KCNIP4: variants seen among roughly 807,000 people sequenced by gnomAD.
KCNIP4 encodes the protein Kv channel-interacting protein 4.
In KCNIP4, 12 loss-of-function variants were observed where a neutral mutation model predicts 34.0. The observed-to-expected ratio is 0.35, with a 90% CI of 0.23 to 0.57. The LOEUF (loss-of-function observed/expected upper bound fraction) is 0.57, where lower values mean the gene tolerates loss of function less well. Ranked by LOEUF, KCNIP4 falls within the 20% of genes least tolerant of loss-of-function variation. The probability of loss-of-function intolerance (pLI) is 0.83; values close to 1 mark genes in which losing one functional copy is unlikely to be tolerated. For synonymous variants in KCNIP4, 124 were observed against 102.2 expected (o/e 1.21, Z -1.29); for missense variants, 238 against 311.7 (o/e 0.76, Z 1.78).
chr4:20,814,216 T>C (rs1242958777), intron 3 of KCNIP4, among the ~76,000 whole-genome samples: 1 of 152,188 alleles, frequency 6.6e-6, no homozygotes, highest in Non-Finnish European at 1.5e-5. Context: ...TGATAAGATG[T>C]CCAGATGATT....
Position 21,626,258 on chromosome 4 carries a change from C to A in KCNIP4, c.61+322313G>T, listed in dbSNP as rs184811870. ...TAAAGTCATAGTTTGAAGCCCTAAT[C>A]CTCAATGTGATGGTACGTGGAGATG... On this transcript the variant is annotated intron_variant, in intron 1 of 8. Transcript: ENST00000382152. Among the ~76,000 whole-genome samples, 713 of 152,064 alleles carry A rather than the reference C, an allele frequency of 4.7e-3. 6 individuals are homozygous for A. The highest frequency in any genetic ancestry group is 7.8e-3 in the Non-Finnish European group (529 of 67,982).
intron 1 of KCNIP4, among the ~76,000 whole-genome samples, chr4:21,134,818 G>A (rs972926650): frequency 5.3e-5 from 8 of 152,122 alleles, no homozygotes; most frequent in African/African-American, 1.9e-4. Flanking sequence ...ACCTTAGAAA[G>A]CCATATTGTG....
At chr4:21,668,434 C>T (rs1038919493) in intron 1 of KCNIP4, among the ~76,000 whole-genome samples, 6 of 152,100 alleles carry the variant, frequency 3.9e-5, no homozygotes, top group African/African-American at 9.7e-5. Context: ...GTATGATGTG[C>T]TTCTTACATT....
chr4:21,691,724 G>C (rs1369756066), intron 1 of KCNIP4, among the ~76,000 whole-genome samples: 5 of 111,604 alleles, frequency 4.5e-5, no homozygotes, highest in African/African-American at 1.7e-4. Flanking sequence ...TCTTGAGACA[G>C]AGTCTCACCC....
intron 3 of KCNIP4, among the ~76,000 whole-genome samples, chr4:20,796,691 G>A (rs754008441): frequency 6.6e-6 from 1 of 150,398 alleles, no homozygotes; most frequent in African/African-American, 2.4e-5. Context: ...CAAAAAAGAT[G>A]GAAATAACTA....
At chr4:21,596,012 A>G (rs1020858987) in intron 1 of KCNIP4, among the ~76,000 whole-genome samples, 1 of 152,056 alleles carries the variant, frequency 6.6e-6, no homozygotes, top group African/African-American at 2.4e-5. Flanking sequence ...TTGTTACTTC[A>G]ATAAATCCCC....
At chr4:21,712,630 C>G (rs1713820270) in intron 1 of KCNIP4, among the ~76,000 whole-genome samples, 1 of 152,130 alleles carries the variant, frequency 6.6e-6, no homozygotes, top group South Asian at 2.1e-4. Context: ...CACCTTTCTC[C>G]TGAGACAGTC....
chr4:21,637,911 A>G (rs548695386), intron 1 of KCNIP4, among the ~76,000 whole-genome samples: 1 of 152,242 alleles, frequency 6.6e-6, no homozygotes, highest in East Asian at 1.9e-4. Flanking sequence ...CAGAACTCCA[A>G]GCTTTTTACT....
intron 5 of KCNIP4, among the ~76,000 whole-genome samples, chr4:20,735,377 T>C (rs1445294934): frequency 6.6e-6 from 1 of 152,152 alleles, no homozygotes; most frequent in Non-Finnish European, 1.5e-5. Flanking sequence ...TTATGAGGAT[T>C]AAAAAAGAGG....
Position 21,784,205 on chromosome 4 carries a change from C to T in KCNIP4, c.61+164366G>A, listed in dbSNP as rs10021646. On this transcript the variant is annotated intron_variant, in intron 1 of 8. Coordinates refer to ENST00000382152, the MANE Select transcript of KCNIP4 (RefSeq NM_025221.6). ...TCTCGTGAGAACCCACTCACTATCA[C>T]GAGAATGGCATGGGGGAACCACCCC... Among the ~76,000 whole-genome samples the T allele has an allele frequency of 8.9e-3, 1,349 of 152,088 alleles. 23 individuals are homozygous for T. The highest frequency in any genetic ancestry group is 0.031 in the African/African-American group (1,286 of 41,484).
chr4:21,475,999 A>G (rs1457611629), intron 1 of KCNIP4, among the ~76,000 whole-genome samples: 1 of 152,296 alleles, frequency 6.6e-6, no homozygotes, highest in Non-Finnish European at 1.5e-5. Context: ...TCTACAAAAG[A>G]AAAAAATAAA....
chr4:20,999,803 A>G (rs186218035), intron 1 of KCNIP4, among the ~76,000 whole-genome samples: 197 of 152,310 alleles, frequency 1.3e-3, no homozygotes, highest in Middle Eastern at 6.8e-3. Context: ...TACCATTTCT[A>G]GTTGAAAATT....
intron 1 of KCNIP4, among the ~76,000 whole-genome samples, chr4:21,387,145 C>T (rs1722103414): frequency 6.6e-6 from 1 of 152,088 alleles, no homozygotes; most frequent in Non-Finnish European, 1.5e-5. Flanking sequence ...TCAATTGATG[C>T]CATTGCCTTC....
intron 2 of KCNIP4, among the ~76,000 whole-genome samples, chr4:20,860,609 C>T (rs2149494107): frequency 6.6e-6 from 1 of 152,120 alleles, no homozygotes; most frequent in Non-Finnish European, 1.5e-5. Context: ...ATAAAAATAC[C>T]CTCTGAGCCA....
intron 1 of KCNIP4, among the ~76,000 whole-genome samples, chr4:21,687,522 C>CA (rs1196394653): frequency 6.6e-6 from 1 of 151,980 alleles, no homozygotes; most frequent in African/African-American, 2.4e-5. Flanking sequence ...TAATAAACAA[C>CA]AAAAAACCCA....
intron 1 of KCNIP4, among the ~76,000 whole-genome samples, chr4:21,096,435 G>C (rs973335355): frequency 1.3e-5 from 2 of 152,050 alleles, no homozygotes; most frequent in Non-Finnish European, 2.9e-5. Context: ...CCTAATTTTT[G>C]CTGTGCAGGT....
At chr4:21,754,307 G>C (rs932620492) in intron 1 of KCNIP4, among the ~76,000 whole-genome samples, 1 of 152,086 alleles carries the variant, frequency 6.6e-6, no homozygotes, top group African/African-American at 2.4e-5. Flanking sequence ...TGTCTATACA[G>C]CCCTTACCAC....
In KCNIP4 at chr4:21,252,182, C is replaced by A. The variant is rs558221922; in HGVS notation, c.62-369473G>T. On this transcript the variant is annotated intron_variant, in intron 1 of 8. Coordinates refer to ENST00000382152, the MANE Select transcript of KCNIP4 (RefSeq NM_025221.6). ...CTCGCTCTGTTGCCAGGCTGGAGTG[C>A]AGTGGCGCAATCTCGGCTCACTGCA... Among the ~76,000 whole-genome samples the A allele has an allele frequency of 1.3e-3, 188 of 144,320 alleles. 1 individual carries two copies. Among genetic ancestry groups the A allele is most frequent in the African/African-American group, 4.5e-3 (174 of 38,528 alleles). 94.7% of individuals were successfully genotyped at this position (144,320 alleles called of 152,430 possible). A position where few individuals can be genotyped will look rare whatever the true frequency, so the allele number is the denominator to read the frequency against.
chr4:21,805,072 G>C (rs1284651835), intron 1 of KCNIP4, among the ~76,000 whole-genome samples: 3 of 152,214 alleles, frequency 2.0e-5, no homozygotes, highest in Non-Finnish European at 4.4e-5. Flanking sequence ...ACAGAGGGCT[G>C]AGAAGGCAGA....
Sources: gnomAD v4.1 joint callset for allele counts (sites outside exome capture counted in the v4.1 genomes callset) on GRCh38, gnomAD v4.1.1 for gene constraint, MANE v1.5 for transcripts, NCBI Gene and HGNC (gene_info 2026-07-23, HGNC 2026-07-21) for gene names.